Variants in HMGN2 observed in about 807,000 individuals in gnomAD.
HMGN2 encodes the protein high mobility group nucleosomal binding domain 2, also known as non-histone chromosomal protein HMG-17.
HMGN2 carries 2 observed loss-of-function variants against 16.9 expected under a neutral mutation model. That is an observed-to-expected ratio of 0.12 (90% CI 0.05 to 0.37). The LOEUF (loss-of-function observed/expected upper bound fraction) is 0.37, where lower values mean the gene tolerates loss of function less well. HMGN2 is among the 10% of genes least tolerant of loss of function. HMGN2 has a pLI of 1.00. For missense variants in HMGN2, 90 were observed against 106.0 expected, an observed-to-expected ratio of 0.85 and a Z score of 0.66; for synonymous variants, 31 against 34.9, an observed-to-expected ratio of 0.89 and a Z score of 0.39.
At chr1:26,473,249 G>A (rs2075587304) in intron 1 of HMGN2, 5 of 548,918 alleles carry the variant, frequency 9.1e-6, no homozygotes, top group Non-Finnish European at 1.6e-5. Flanking sequence ...TCGCGGTGGT[G>A]CGGGCTCCGC....
chr1:26,474,314 A>G (rs1031406340), intron 4 of HMGN2, among the ~76,000 whole-genome samples, 179 bp downstream of exon 4: 2 of 152,234 alleles, frequency 1.3e-5, no homozygotes, highest in Non-Finnish European at 2.9e-5. Context: ...GTTAGTTTAT[A>G]GGAAAATCTG....
rs879848783 is a variant in HMGN2 at position 26,476,243 on chromosome 1, G to A, written c.*1095G>A. Among the ~76,000 whole-genome samples, 2 of 152,162 alleles carry A rather than the reference G, an allele frequency of 1.3e-5. No homozygotes were observed. The highest frequency in any genetic ancestry group is 2.4e-5 in the African/African-American group (1 of 41,432). Reference sequence around the variant, plus strand: ...CAGTGTTTGTTTTTTGCATGACTCCGAATACATGAAGTGTATTAAATGCAG... The same window carrying A: ...CAGTGTTTGTTTTTTGCATGACTCCAAATACATGAAGTGTATTAAATGCAG... On this transcript the variant is annotated 3_prime_UTR_variant, in exon 6 of 6. Coordinates refer to ENST00000361427, the MANE Select transcript of HMGN2 (RefSeq NM_005517.4).
At position 26,475,840 on chromosome 1, in the gene HMGN2, G is replaced by A. The variant is rs1224558599; in HGVS notation, c.*692G>A. ...GTTTTATAGTGGCTTTCTGATTTTT[G>A]GTAGTCCATTGAAGAAGGGAGTTTG... On this transcript the variant is annotated 3_prime_UTR_variant, in exon 6 of 6. Coordinates refer to ENST00000361427, the MANE Select transcript of HMGN2 (RefSeq NM_005517.4). 2.3e-5 allele frequency: 7 copies of A among 304,394 alleles called. No homozygotes were observed. The East Asian group carries it at 7.2e-4, about 31-fold the overall frequency. 18.9% of individuals were successfully genotyped at this position (304,394 alleles called of 1,614,324 possible).
intron 3 of HMGN2, 64 bp downstream of exon 3, chr1:26,473,796 C>G (rs1322794748): frequency 6.8e-7 from 1 of 1,474,536 alleles, no homozygotes; most frequent in African/African-American, 1.4e-5. Flanking sequence ...AAAAACAATT[C>G]CCTTTGCTTC....
chr1:26,472,441 A>G lies in HMGN2; in HGVS notation c.-172A>G, dbSNP rs1292190364. On this transcript the variant is annotated 5_prime_UTR_variant, in exon 1 of 6. Coordinates refer to ENST00000361427, the MANE Select transcript of HMGN2 (RefSeq NM_005517.4). ...GGCCAATGAACGGCGGCGGGAGGTG[A>G]AATCCGGTTCTAACCGGTCCGGGGC... 3 of 694,464 alleles carry G rather than the reference A, an allele frequency of 4.3e-6. No homozygotes were observed. The highest frequency in any genetic ancestry group is 4.9e-5 in the Admixed American group (2 of 40,586). 43.0% of individuals were successfully genotyped at this position (694,464 alleles called of 1,614,324 possible).
intron 5 of HMGN2, 41 bp downstream of exon 5, chr1:26,474,708 A>G (rs749936907): frequency 1.0e-6 from 1 of 955,414 alleles, no homozygotes; most frequent in South Asian, 1.3e-5. Flanking sequence ...TTGTTCATTC[A>G]GTTAGTTGCT....
At position 26,475,241 on chromosome 1, in the gene HMGN2, TTTTAC is replaced by T; in HGVS notation, c.*97_*101del. On this transcript the variant is annotated 3_prime_UTR_variant, in exon 6 of 6. Coordinates refer to ENST00000361427, the MANE Select transcript of HMGN2 (RefSeq NM_005517.4). ...AGTTTTATAAAAATGCAGAATTTTG[TTTTAC>T]TTTTTTTTTTTTTTTAAAAGCTATG... is the stretch of plus-strand genomic sequence containing the variant. 2 of 894,436 alleles carry T rather than the reference TTTTAC, an allele frequency of 2.2e-6. No individual in the cohort carries two copies. The highest frequency in any genetic ancestry group is 3.5e-6 in the Non-Finnish European group (2 of 579,220). The allele number at this position is 894,436 out of a possible 1,614,324, so 55.4% of individuals were successfully genotyped here. A position where few individuals can be genotyped will look rare whatever the true frequency, so the allele number is the denominator to read the frequency against.
chr1:26,473,057 G>T (rs917485971), intron 1 of HMGN2: 17 of 232,092 alleles, frequency 7.3e-5, no homozygotes, highest in East Asian at 2.4e-4. Context: ...GGGCTTGTGC[G>T]GTATGGCCCC....
rs928616753 is a variant in HMGN2, at chr1:26,474,143, C to T, written c.141+8C>T. ...AAAAAGGCCCCTGCAAAGGTAAGTG[C>T]TAACATTGGAACTGATCATTTTCAC... On this transcript the variant is annotated splice_region_variant and intron_variant, in intron 4 of 5. Transcript: ENST00000361427. 6.3e-7 allele frequency: 1 copy of T among 1,599,558 alleles called. No homozygotes were observed. The highest frequency in any genetic ancestry group is 8.5e-7 in the Non-Finnish European group (1 of 1,171,560).
In HMGN2 at chr1:26,474,853, T is replaced by G. The variant is rs1184644019; in HGVS notation, c.237+186T>G. On this transcript the variant is annotated intron_variant, in intron 5 of 5. Coordinates refer to ENST00000361427, the MANE Select transcript of HMGN2 (RefSeq NM_005517.4). ...ACTGTCAGCTGAAGGGCATTGTGTT[T>G]TATACTACATGAAGTTTTCAAGCTA... 5 of 615,292 alleles carry G rather than the reference T, an allele frequency of 8.1e-6. No individual in the cohort carries two copies. The East Asian group carries it at 1.1e-4, about 13-fold the overall frequency. 38.1% of individuals were successfully genotyped at this position (615,292 alleles called of 1,614,324 possible).
intron 5 of HMGN2, 112 bp from the exon 6 acceptor site, chr1:26,475,001 A>T (rs1194725251): frequency 8.3e-6 from 7 of 841,864 alleles, no homozygotes; most frequent in Non-Finnish European, 1.4e-5. Flanking sequence ...ACTGAGTCTC[A>T]GTACCTGAAA....
At position 26,473,476 on chromosome 1, in the gene HMGN2, C is replaced by T; in HGVS notation, c.16-7C>T. The T allele has an allele frequency of 1.9e-6, 3 of 1,610,248 alleles. No individual in the cohort carries two copies. The highest frequency in any genetic ancestry group is 2.5e-6 in the Non-Finnish European group (3 of 1,176,558). ...AATCTGCAGTTTTTTGTTCTTGTTT[C>T]TTATAGGCTGAAGGGGATGCTAAGG... On this transcript the variant is annotated splice_region_variant and splice_polypyrimidine_tract_variant and intron_variant, in intron 1 of 5. Coordinates refer to ENST00000361427, the MANE Select transcript of HMGN2 (RefSeq NM_005517.4).
chr1:26,474,016 G>C, intron 3 of HMGN2, 69 bp from the exon 4 acceptor site: 1 of 1,290,150 alleles, frequency 7.8e-7, no homozygotes, highest in South Asian at 1.3e-5. Context: ...ACTTTTGGTT[G>C]GTTGTGGGTG....
chr1:26,472,728 A>C (rs2075579191), intron 1 of HMGN2, 101 bp downstream of exon 1: 8 of 1,083,780 alleles, frequency 7.4e-6, no homozygotes, highest in Non-Finnish European at 1.0e-5. Context: ...AGCAGGAGCC[A>C]GCGCAGCCTC....
chr1:26,474,283 T>G (rs974671229), intron 4 of HMGN2, 148 bp downstream of exon 4: 19 of 646,100 alleles, frequency 2.9e-5, no homozygotes, highest in African/African-American at 5.5e-5. Context: ...TAACGTTGGT[T>G]TCCTGATCAA....
chr1:26,474,000 C>T (rs1248483920), intron 3 of HMGN2, 85 bp from the exon 4 acceptor site: 1 of 1,149,418 alleles, frequency 8.7e-7, no homozygotes, highest in Non-Finnish European at 1.3e-6. Context: ...CTTCTCTACC[C>T]TTGGTACTTT....
At chr1:26,473,775 A>C (rs1363425129) in intron 3 of HMGN2, 43 bp downstream of exon 3, 1 of 1,533,810 alleles carries the variant, frequency 6.5e-7, no homozygotes. Context: ...CCCTGAAACT[A>C]AAAAACATCA....
chr1:26,474,454 T>C, intron 4 of HMGN2, 118 bp from the exon 5 acceptor site: 3 of 647,500 alleles, frequency 4.6e-6, no homozygotes, highest in Non-Finnish European at 8.4e-6. Context: ...TCTTGTCAAA[T>C]GGGTGAGGGT....
intron 1 of HMGN2, among the ~76,000 whole-genome samples, chr1:26,473,003 C>T (rs2075583030): frequency 1.4e-5 from 2 of 146,662 alleles, no homozygotes; most frequent in Non-Finnish European, 3.0e-5. Flanking sequence ...GGTTGGCGGG[C>T]GGGGGAAAGC....
Sources: allele counts gnomAD v4.1 joint callset (sites outside exome capture counted in the v4.1 genomes callset), GRCh38; gene constraint gnomAD v4.1.1; transcripts MANE v1.5; gene names NCBI Gene and HGNC (gene_info 2026-07-23, HGNC 2026-07-21).